The following SLX4IP variants were observed in gnomAD, a reference collection of about 807,000 sequenced individuals.
SLX4IP encodes protein SLX4IP.
A neutral mutation model predicts 32.9 loss-of-function variants in SLX4IP; 34 were observed. The ratio of observed to expected loss-of-function variants is 1.03; its 90% CI spans 0.79 to 1.38. The LOEUF is 1.38. Ranked by LOEUF, SLX4IP falls within the 40% of genes most tolerant of loss-of-function variation. The probability of loss-of-function intolerance (pLI) is 0.00; values close to 1 mark genes in which losing one functional copy is unlikely to be tolerated. For missense variants in SLX4IP, 444 were observed against 479.0 expected, an observed-to-expected ratio of 0.93 and a Z score of 0.68; for synonymous variants, 172 against 171.7, an observed-to-expected ratio of 1.00 and a Z score of -0.01.
At chr20:10,470,063 G>A (rs932733882) in intron 2 of SLX4IP, among the ~76,000 whole-genome samples, 1 of 152,150 alleles carries the variant, frequency 6.6e-6, no homozygotes, top group Non-Finnish European at 1.5e-5. Flanking sequence ...GATGATGGTC[G>A]GAGAGTAAGG....
At chr20:10,486,870 A>G (rs921341846) in intron 2 of SLX4IP, among the ~76,000 whole-genome samples, 9 of 152,158 alleles carry the variant, frequency 5.9e-5, no homozygotes, top group Non-Finnish European at 1.2e-4. Flanking sequence ...CTAGCCTGAA[A>G]GAAAATTCTG....
intron 1 of SLX4IP, among the ~76,000 whole-genome samples, chr20:10,454,430 C>A (rs1206917598): frequency 1.3e-5 from 2 of 152,110 alleles, no homozygotes; most frequent in Non-Finnish European, 2.9e-5. Flanking sequence ...TATTTGTATT[C>A]CCTAATGTCT....
intron 2 of SLX4IP, among the ~76,000 whole-genome samples, chr20:10,517,751 G>C (rs1219671582): frequency 2.0e-5 from 3 of 152,172 alleles, no homozygotes; most frequent in South Asian, 4.1e-4. Flanking sequence ...TGGAGGTGTG[G>C]AGAAGCGACC....
chr20:10,455,789 T>G lies in SLX4IP; in HGVS notation c.-29-2387T>G, dbSNP rs191961201. 2.3e-3 allele frequency among the ~76,000 whole-genome samples: 347 copies of G among 152,178 alleles called. 2 individuals are homozygous for G. The highest frequency in any genetic ancestry group is 7.4e-3 in the African/African-American group (306 of 41,492). ...CACACCCAGCTAATTTTTTGTATTT[T>G]TAGTAGAGACAGGGTTTCGCCATGT... On this transcript the variant is annotated intron_variant, in intron 1 of 7. Transcript: ENST00000334534.
chr20:10,511,139 G>A (rs562172966), intron 2 of SLX4IP, among the ~76,000 whole-genome samples: 1 of 152,258 alleles, frequency 6.6e-6, no homozygotes, highest in African/African-American at 2.4e-5. Flanking sequence ...AGTTGATGGT[G>A]GTCCTTTAAA....
At chr20:10,572,382 A>G (rs982520584) in intron 4 of SLX4IP, among the ~76,000 whole-genome samples, 1 of 152,166 alleles carries the variant, frequency 6.6e-6, no homozygotes, top group Non-Finnish European at 1.5e-5. Context: ...CTTTAAATTA[A>G]CTAGGAGCAG....
At chr20:10,442,053 A>G (rs1195543395) in intron 1 of SLX4IP, among the ~76,000 whole-genome samples, 5 of 152,236 alleles carry the variant, frequency 3.3e-5, no homozygotes, top group Admixed American at 6.5e-5. Flanking sequence ...CCCATAACTA[A>G]TGAAAGTTTT....
chr20:10,436,252 A>C (rs559306042), intron 1 of SLX4IP, among the ~76,000 whole-genome samples: 1 of 152,170 alleles, frequency 6.6e-6, no homozygotes, highest in East Asian at 1.9e-4. Context: ...ATTACACTTC[A>C]TGACTCTCAC....
chr20:10,466,530 G>T (rs755779322), intron 2 of SLX4IP, among the ~76,000 whole-genome samples: 2 of 152,152 alleles, frequency 1.3e-5, no homozygotes, highest in Non-Finnish European at 2.9e-5. Flanking sequence ...GGCTTCCCTA[G>T]CGGTGGCAGC....
In SLX4IP at chr20:10,611,967, C is replaced by T. The variant is rs193270245; in HGVS notation, c.406-9347C>T. Among the ~76,000 whole-genome samples the T allele has an allele frequency of 1.4e-4, 21 of 152,320 alleles. No individual in the cohort carries two copies. The East Asian group carries it at 3.7e-3, about 27-fold the overall frequency. On this transcript the variant is annotated intron_variant, in intron 6 of 7. Coordinates refer to ENST00000334534, the MANE Select transcript of SLX4IP (RefSeq NM_001009608.3). ...AGAGTACTACTGCACAGGGAGCAGG[C>T]CTCCTAGACTCATTTCTGCCCCTGA...
At chr20:10,512,847 G>C (rs920261778) in intron 2 of SLX4IP, among the ~76,000 whole-genome samples, 1 of 112,260 alleles carries the variant, frequency 8.9e-6, no homozygotes, top group Non-Finnish European at 1.8e-5. Context: ...TGCCTAGGCT[G>C]GTCTTGAACT....
intron 4 of SLX4IP, among the ~76,000 whole-genome samples, chr20:10,579,436 T>C (rs974865771): frequency 1.3e-5 from 2 of 152,114 alleles, no homozygotes; most frequent in African/African-American, 4.8e-5. Flanking sequence ...TTTTCTTTTT[T>C]TTCTTTTTTC....
intron 2 of SLX4IP, among the ~76,000 whole-genome samples, chr20:10,509,522 A>G (rs1600943661): frequency 6.6e-6 from 1 of 152,136 alleles, no homozygotes; most frequent in South Asian, 2.1e-4. Context: ...TCATTTCCCA[A>G]GTGTGGTAGG....
In SLX4IP at chr20:10,622,827, C is replaced by T. The variant is rs530649031; in HGVS notation, c.675C>T (p.Ser225=). The T allele has an allele frequency of 1.0e-3, 1,667 of 1,614,070 alleles. 37 individuals are homozygous for T. In the South Asian group the frequency reaches 0.018, roughly 17 times the overall value. ...AATCCATGGGACAAGCAAAGGATTC[C>T]ATAAAGGCAGCTGAGAGCCACTGGG... ...PSESMGQAKD[S]IKAAESHWGL... is the part of the protein sequence containing the mutation. The change falls in exon 8 of 8, where the codon TCC becomes TCT. Residue 225 remains serine (S), a synonymous_variant. Transcript: ENST00000334534.
intron 2 of SLX4IP, among the ~76,000 whole-genome samples, chr20:10,487,684 C>T (rs2065586747): frequency 6.6e-6 from 1 of 152,134 alleles, no homozygotes; most frequent in Non-Finnish European, 1.5e-5. Flanking sequence ...TCTTCTCGCA[C>T]ACATGTTTCT....
intron 2 of SLX4IP, among the ~76,000 whole-genome samples, chr20:10,506,013 G>A: frequency 6.6e-6 from 1 of 152,110 alleles, no homozygotes; most frequent in Non-Finnish European, 1.5e-5. Flanking sequence ...GGCCACTTAA[G>A]CATGTAAACA....
chr20:10,530,462 A>C (rs1258777293), intron 2 of SLX4IP, among the ~76,000 whole-genome samples: 1 of 152,210 alleles, frequency 6.6e-6, no homozygotes, highest in East Asian at 1.9e-4. Flanking sequence ...GGGTAGAAGA[A>C]AATGATTACC....
At chr20:10,586,866 A>G (rs540945524) in intron 4 of SLX4IP, among the ~76,000 whole-genome samples, 1 of 152,208 alleles carries the variant, frequency 6.6e-6, no homozygotes, top group South Asian at 2.1e-4. Flanking sequence ...ATAAATATAA[A>G]CCCTGAATAG....
intron 2 of SLX4IP, among the ~76,000 whole-genome samples, chr20:10,529,873 AT>A (rs2065973257): frequency 6.6e-6 from 1 of 152,144 alleles, no homozygotes; most frequent in Non-Finnish European, 1.5e-5. Context: ...CAGTTTGGAA[AT>A]AGTTTCATTT....
Sources: allele counts gnomAD v4.1 joint callset (sites outside exome capture counted in the v4.1 genomes callset), GRCh38; gene constraint gnomAD v4.1.1; transcripts MANE v1.5; gene names NCBI Gene and HGNC (gene_info 2026-07-23, HGNC 2026-07-21).